The following DOCK7 variants were observed in gnomAD, a reference collection of about 807,000 sequenced individuals.
DOCK7 encodes dedicator of cytokinesis 7.
In DOCK7, 138 loss-of-function variants were observed where a neutral mutation model predicts 271.0. That is an observed-to-expected ratio of 0.51 (90% CI 0.44 to 0.59). The LOEUF (loss-of-function observed/expected upper bound fraction) is 0.59. Ranked by LOEUF, DOCK7 falls within the 20% of genes least tolerant of loss-of-function variation. The pLI is 0.00. For missense variants in DOCK7, 2,066 were observed against 2,592.4 expected, an observed-to-expected ratio of 0.80 and a Z score of 4.41; for synonymous variants, 823 against 876.1, an observed-to-expected ratio of 0.94 and a Z score of 1.07.
At chr1:62,660,219 T>A (rs1218405102) in intron 2 of DOCK7, among the ~76,000 whole-genome samples, 1 of 152,148 alleles carries the variant, frequency 6.6e-6, no homozygotes, top group Non-Finnish European at 1.5e-5. Flanking sequence ...TCAGACAGAA[T>A]GTGTTCTCTG....
intron 1 of DOCK7, among the ~76,000 whole-genome samples, chr1:62,675,360 C>T (rs1315469358): frequency 2.0e-5 from 3 of 152,026 alleles, no homozygotes; most frequent in African/African-American, 7.2e-5. Context: ...CTATAACGCA[C>T]CACTGAACTA....
Position 62,618,797 on chromosome 1 carries a change from C to T in DOCK7, c.1591G>A (p.Val531Met). Residue 531 changes from valine to methionine, a missense_variant, in exon 14 of 50, where the codon GTG becomes ATG. Coordinates refer to ENST00000635253, the MANE Select transcript of DOCK7 (RefSeq NM_001367561.1). The stretch of plus-strand genomic sequence containing the variant: ...ACTCTACTGTCAGGGTAAAGCTTCA[C>T]TTGAAGCAGCTCCGGAGTTAGGCAA... Reference protein sequence around the residue: ...HYCLTPELLQVKLYPDSRVRP... With the variant: ...HYCLTPELLQMKLYPDSRVRP... 2 of 1,613,692 alleles carry T rather than the reference C, an allele frequency of 1.2e-6. No individual in the cohort carries two copies. The highest frequency in any genetic ancestry group is 1.3e-5 in the African/African-American group (1 of 75,054).
At chr1:62,645,009 A>G (rs1260704489) in intron 7 of DOCK7, among the ~76,000 whole-genome samples, 1 of 152,200 alleles carries the variant, frequency 6.6e-6, no homozygotes, top group African/African-American at 2.4e-5. Context: ...ACACCACTTT[A>G]CACCCACTAG....
chr1:62,624,642 TAAAC>T lies in DOCK7; in HGVS notation c.1425+613_1425+616del, dbSNP rs1653706945. Among the ~76,000 whole-genome samples, 3 of 152,282 alleles carry T rather than the reference TAAAC, an allele frequency of 2.0e-5. No individual in the cohort carries two copies. The South Asian group carries it at 6.2e-4, about 32-fold the overall frequency. On this transcript the variant is annotated intron_variant, in intron 12 of 49. Transcript: ENST00000635253. ...TACTCATTCTCATAAAGAAAATTCA[TAAAC>T]AACCAATGTTTAAGAAAAGTTACAC...
intron 31 of DOCK7, among the ~76,000 whole-genome samples, chr1:62,514,429 G>A (rs553509161): frequency 6.6e-6 from 1 of 152,084 alleles, no homozygotes; most frequent in Non-Finnish European, 1.5e-5. Context: ...TAGCATATAA[G>A]GTTGAAATGC....
At chr1:62,493,737 A>T (rs1381427708) in intron 40 of DOCK7, among the ~76,000 whole-genome samples, 1 of 152,236 alleles carries the variant, frequency 6.6e-6, no homozygotes, top group African/African-American at 2.4e-5. Flanking sequence ...ATTTTATAAT[A>T]TCTCAAACCT....
intron 31 of DOCK7, among the ~76,000 whole-genome samples, chr1:62,518,920 GA>G (rs1370628612): frequency 2.0e-5 from 3 of 150,666 alleles, no homozygotes; most frequent in Non-Finnish European, 3.0e-5. Context: ...TAAGATACAA[GA>G]AAAAAATCTA....
At chr1:62,549,605 G>A (rs74509620) in intron 22 of DOCK7, among the ~76,000 whole-genome samples, 4,573 of 152,158 alleles carry the variant, frequency 0.03, 163 homozygotes, top group African/African-American at 0.083. Context: ...ATCAGGATGA[G>A]TGGGGTATCC....
intron 14 of DOCK7, among the ~76,000 whole-genome samples, chr1:62,596,845 C>CA (rs1482021944): frequency 6.6e-6 from 1 of 152,074 alleles, no homozygotes; most frequent in African/African-American, 2.4e-5. Flanking sequence ...GCCTAGAACA[C>CA]AGAGACACAG....
chr1:62,667,629 C>T (rs530503713), intron 1 of DOCK7, among the ~76,000 whole-genome samples: 2 of 152,088 alleles, frequency 1.3e-5, no homozygotes, highest in Non-Finnish European at 2.9e-5. Context: ...GCAGGAGAAT[C>T]GCTTGAACCT....
intron 41 of DOCK7, among the ~76,000 whole-genome samples, chr1:62,491,159 G>A (rs1356546289): frequency 1.3e-5 from 2 of 152,218 alleles, no homozygotes; most frequent in Non-Finnish European, 2.9e-5. Context: ...ACTACTAAAT[G>A]GCAGAGCCAG....
chr1:62,501,085 T>C (rs1348462730), intron 37 of DOCK7, among the ~76,000 whole-genome samples: 2 of 152,080 alleles, frequency 1.3e-5, no homozygotes, highest in Admixed American at 1.3e-4. Context: ...AGGTGGCTCA[T>C]ACCTGCAGTC....
chr1:62,674,457 T>C (rs1235451212), intron 1 of DOCK7, among the ~76,000 whole-genome samples: 2 of 152,306 alleles, frequency 1.3e-5, no homozygotes, highest in East Asian at 1.9e-4. Context: ...TAGATATTGG[T>C]CCTAAAATGT....
chr1:62,466,209 G>GT (rs1273575721), intron 48 of DOCK7, among the ~76,000 whole-genome samples: 14 of 151,892 alleles, frequency 9.2e-5, no homozygotes, highest in Non-Finnish European at 1.9e-4. Context: ...TGTTGTTGTT[G>GT]TTTTTTCTGA....
rs1553165194 is a variant in DOCK7, at chr1:62,538,019, C to G, written c.3343G>C (p.Val1115Leu). The G allele has an allele frequency of 6.2e-7, 1 of 1,613,910 alleles. No homozygotes were observed. Among genetic ancestry groups the G allele is most frequent in the Non-Finnish European group, 8.5e-7 (1 of 1,179,894 alleles). ...LYSLPNPSVL[V>L]SLRLDFLRII... ...CGTAGAAAATCCAGCCTCAAGGACA[C>G]CAGAACACTGGGATTCGGTAATGAG... Residue 1115 changes from valine to leucine, a missense_variant, in exon 28 of 50, where the codon GTG becomes CTG. Coordinates refer to ENST00000635253, the MANE Select transcript of DOCK7 (RefSeq NM_001367561.1).
At chr1:62,673,732 T>C (rs1030894907) in intron 1 of DOCK7, among the ~76,000 whole-genome samples, 1 of 152,188 alleles carries the variant, frequency 6.6e-6, no homozygotes, top group Non-Finnish European at 1.5e-5. Context: ...ATTCTAACTC[T>C]TAAATATTTC....
At chr1:62,633,447 C>T (rs779073447) in intron 10 of DOCK7, 51 bp downstream of exon 10, 143 of 1,371,870 alleles carry the variant, frequency 1.0e-4, no homozygotes, top group Non-Finnish European at 1.4e-4. Flanking sequence ...TAGTATTCTC[C>T]CAAGTTACAA....
chr1:62,534,714 C>G (rs1645285735), intron 29 of DOCK7, among the ~76,000 whole-genome samples: 1 of 152,134 alleles, frequency 6.6e-6, no homozygotes, highest in African/African-American at 2.4e-5. Flanking sequence ...TAATAATGTA[C>G]ACAACTTTGG....
chr1:62,504,046 CA>C (rs11297853), intron 37 of DOCK7, among the ~76,000 whole-genome samples: 76,223 of 120,406 alleles, frequency 0.63, 21,247 homozygotes, highest in East Asian at 0.79. Flanking sequence ...GACTCCGTCT[CA>C]AAAAAAAAAA....
Sources: gnomAD v4.1 joint callset for allele counts (sites outside exome capture counted in the v4.1 genomes callset) on GRCh38, gnomAD v4.1.1 for gene constraint, MANE v1.5 for transcripts, NCBI Gene and HGNC (gene_info 2026-07-23, HGNC 2026-07-21) for gene names.